The following TIAM2 variants were observed in gnomAD, a reference collection of about 807,000 sequenced individuals.
The protein encoded by TIAM2 is rho guanine nucleotide exchange factor TIAM2.
TIAM2 carries 80 observed loss-of-function variants against 152.9 expected under a neutral mutation model. The ratio of observed to expected loss-of-function variants is 0.52; its 90% CI spans 0.44 to 0.63. TIAM2 has a LOEUF of 0.63. TIAM2 is among the 30% of genes least tolerant of loss of function. The pLI is 0.00. For missense variants in TIAM2, 1,965 were observed against 2,120.1 expected, an observed-to-expected ratio of 0.93 and a Z score of 1.44; for synonymous variants, 804 against 838.0, an observed-to-expected ratio of 0.96 and a Z score of 0.70.
intron 1 of TIAM2, among the ~76,000 whole-genome samples, chr6:155,035,131 G>A (rs1361022771): frequency 6.6e-6 from 1 of 151,960 alleles, no homozygotes; most frequent in Admixed American, 6.6e-5. Flanking sequence ...TTTGATCCAC[G>A]TATGCACTGA....
intron 6 of TIAM2, among the ~76,000 whole-genome samples, chr6:155,145,009 T>C (rs540778381): frequency 2.0e-5 from 3 of 152,314 alleles, no homozygotes; most frequent in Non-Finnish European, 2.9e-5. Context: ...TCCCAGGCTG[T>C]GGCCCATGAG....
intron 1 of TIAM2, among the ~76,000 whole-genome samples, chr6:155,086,157 G>A (rs1031038818): frequency 2.0e-5 from 3 of 152,198 alleles, no homozygotes; most frequent in Non-Finnish European, 4.4e-5. Flanking sequence ...AACGCAGAGA[G>A]GGTCCTGAGG....
chr6:155,221,068 T>G (rs1782024677), intron 15 of TIAM2, among the ~76,000 whole-genome samples: 2 of 150,046 alleles, frequency 1.3e-5, no homozygotes, highest in East Asian at 4.0e-4. Context: ...TGCCTTCCTC[T>G]GTCCCTGCTT....
intron 1 of TIAM2, among the ~76,000 whole-genome samples, chr6:155,075,074 G>A (rs567454686): frequency 1.3e-5 from 2 of 152,154 alleles, no homozygotes; most frequent in Non-Finnish European, 2.9e-5. Context: ...AGGGCCAGAG[G>A]GCAGTGGGCA....
At chr6:155,194,330 G>A (rs1485315427) in intron 14 of TIAM2, among the ~76,000 whole-genome samples, 1 of 152,200 alleles carries the variant, frequency 6.6e-6, no homozygotes, top group Non-Finnish European at 1.5e-5. Flanking sequence ...GGAGCTGCGA[G>A]CAGCCTGGAT....
intron 1 of TIAM2, among the ~76,000 whole-genome samples, chr6:155,028,589 TAA>T (rs1491314738): frequency 7.4e-6 from 1 of 135,186 alleles, no homozygotes; most frequent in Non-Finnish European, 1.5e-5. Context: ...ATACTACATA[TAA>T]TATATATACT....
chr6:155,030,760 A>C (rs1168914172), intron 1 of TIAM2, among the ~76,000 whole-genome samples: 1 of 152,164 alleles, frequency 6.6e-6, no homozygotes, highest in Admixed American at 6.5e-5. Context: ...TCTGCTTTTC[A>C]CTATAGAAAT....
intron 9 of TIAM2, among the ~76,000 whole-genome samples, chr6:155,166,539 T>C (rs1780441762): frequency 6.6e-6 from 1 of 152,156 alleles, no homozygotes; most frequent in Non-Finnish European, 1.5e-5. Flanking sequence ...GCCAGGCTGG[T>C]TGTGAACTCC....
intron 1 of TIAM2, among the ~76,000 whole-genome samples, chr6:155,010,837 C>A (rs952478857): frequency 6.6e-6 from 1 of 152,104 alleles, no homozygotes; most frequent in Non-Finnish European, 1.5e-5. Flanking sequence ...CCGCCCGCCT[C>A]GGCCTCCCAA....
intron 1 of TIAM2, among the ~76,000 whole-genome samples, chr6:155,027,778 A>C (rs1471137864): frequency 6.1e-5 from 5 of 82,414 alleles, no homozygotes; most frequent in Non-Finnish European, 6.6e-5. Context: ...ACTATATATA[A>C]TATATGTACT....
At chr6:155,021,495 CAT>C (rs1349897548) in intron 1 of TIAM2, among the ~76,000 whole-genome samples, 2 of 152,104 alleles carry the variant, frequency 1.3e-5, no homozygotes, top group Non-Finnish European at 2.9e-5. Context: ...CTCCTGACCT[CAT>C]GTGATCCGCC....
At chr6:155,130,483 A>C (rs1315068646) in intron 4 of TIAM2, 66 bp downstream of exon 4, 2 of 1,448,352 alleles carry the variant, frequency 1.4e-6, no homozygotes, top group Non-Finnish European at 1.9e-6. Context: ...GGGGAAGGTT[A>C]GTAGAAGCCA....
At chr6:155,166,610 C>T (rs544432122) in intron 9 of TIAM2, among the ~76,000 whole-genome samples, 8 of 152,294 alleles carry the variant, frequency 5.3e-5, no homozygotes, top group South Asian at 2.1e-4. Context: ...CGTGAGCCAC[C>T]GTGCCTGGCC....
At chr6:155,042,137 A>T (rs1265728678) in intron 1 of TIAM2, among the ~76,000 whole-genome samples, 1 of 151,034 alleles carries the variant, frequency 6.6e-6, no homozygotes, top group Non-Finnish European at 1.5e-5. Flanking sequence ...GGACTGTTGC[A>T]CCCGGTCCCT....
Position 155,252,998 on chromosome 6 carries a change from A to C in TIAM2, c.4170A>C (p.Lys1390Asn). 1.2e-6 allele frequency: 2 copies of C among 1,614,060 alleles called. No homozygotes were observed. The highest frequency in any genetic ancestry group is 1.7e-6 in the Non-Finnish European group (2 of 1,180,004). ...ACTCTACTGACTTGGACCCATTTAAATTCCGCTGGTTGATCCCCATCTCCG... is the reference window on the plus strand; with the variant it reads ...ACTCTACTGACTTGGACCCATTTAACTTCCGCTGGTTGATCCCCATCTCCG... ...AHNSTDLDPF[K>N]FRWLIPISAL... Residue 1390 changes from lysine (K) to asparagine (N), a missense_variant, in exon 24 of 27, where the codon AAA (lysine) becomes AAC (asparagine). Lys to Asn is a moderately conservative substitution (Grantham distance 94, BLOSUM62 0). Coordinates refer to ENST00000682666, the MANE Select transcript of TIAM2 (RefSeq NM_012454.4).
chr6:155,187,573 C>CCTTTTTTTTTTTTTTTTTTTTTTTTTTT (rs1189509294), intron 14 of TIAM2, among the ~76,000 whole-genome samples: 3 of 49,614 alleles, frequency 6.0e-5, no homozygotes, highest in African/African-American at 7.9e-5. Flanking sequence ...ACCCCGCCCC[C>CCTTTTTTTTTTTTTTTTTTTTTTTTTTT]TTTTTTTTTT....
intron 18 of TIAM2, among the ~76,000 whole-genome samples, chr6:155,245,017 G>A (rs1306742017): frequency 6.6e-6 from 1 of 152,092 alleles, no homozygotes; most frequent in Non-Finnish European, 1.5e-5. Flanking sequence ...AGCACCTCCC[G>A]CCTGGTTGTT....
chr6:155,252,488 ATAAAG>A (rs1783725127), intron 23 of TIAM2, among the ~76,000 whole-genome samples: 1 of 152,158 alleles, frequency 6.6e-6, no homozygotes, highest in Non-Finnish European at 1.5e-5. Context: ...AAATAAGTAA[ATAAAG>A]TAGATAAATA....
intron 14 of TIAM2, among the ~76,000 whole-genome samples, chr6:155,190,224 C>G (rs1329537919): frequency 2.0e-5 from 3 of 152,184 alleles, no homozygotes; most frequent in Non-Finnish European, 4.4e-5. Flanking sequence ...CTTGCCCCTG[C>G]CTGTCACCTC....
Sources: allele counts gnomAD v4.1 joint callset (sites outside exome capture counted in the v4.1 genomes callset), GRCh38; gene constraint gnomAD v4.1.1; transcripts MANE v1.5; gene names NCBI Gene and HGNC (gene_info 2026-07-23, HGNC 2026-07-21).